The following LAMA4 variants were observed in gnomAD, a reference collection of about 807,000 sequenced individuals.
The protein encoded by LAMA4 is laminin subunit alpha 4, also known as laminin subunit alpha-4.
A neutral mutation model predicts 207.1 loss-of-function variants in LAMA4; 127 were observed. The ratio of observed to expected loss-of-function variants is 0.61; its 90% CI spans 0.53 to 0.71. The LOEUF is 0.71. Ranked by LOEUF, LAMA4 falls within the 30% of genes least tolerant of loss-of-function variation. The pLI is 0.00. For missense variants in LAMA4, 2,093 were observed against 2,246.5 expected, an observed-to-expected ratio of 0.93 and a Z score of 1.38; for synonymous variants, 761 against 816.0, an observed-to-expected ratio of 0.93 and a Z score of 1.15.
chr6:112,143,042 CTAAGAGGCCCAA>C (rs1234461771), intron 19 of LAMA4, among the ~76,000 whole-genome samples: 1 of 152,144 alleles, frequency 6.6e-6, no homozygotes, highest in Non-Finnish European at 1.5e-5. Context: ...AAGTGCATTT[CTAAGAGGCCCAA>C]TATGATATGC....
chr6:112,126,833 T>G (rs138181399), intron 31 of LAMA4, among the ~76,000 whole-genome samples: 1 of 152,244 alleles, frequency 6.6e-6, no homozygotes, highest in South Asian at 2.1e-4. Flanking sequence ...TTGATTATAT[T>G]CATTGTTGAC....
chr6:112,247,419 T>C (rs1162652491), intron 2 of LAMA4, among the ~76,000 whole-genome samples: 1 of 152,188 alleles, frequency 6.6e-6, no homozygotes, highest in Non-Finnish European at 1.5e-5. Flanking sequence ...TTAGGCTGAA[T>C]CTGGCCCTCA....
intron 18 of LAMA4, among the ~76,000 whole-genome samples, chr6:112,146,468 G>A (rs1456232088): frequency 3.3e-5 from 5 of 152,166 alleles, no homozygotes; most frequent in African/African-American, 1.2e-4. Context: ...TCTTGGCCCT[G>A]TCCCGAGCCC....
At chr6:112,193,593 T>C (rs1463404974) in intron 5 of LAMA4, among the ~76,000 whole-genome samples, 2 of 152,144 alleles carry the variant, frequency 1.3e-5, no homozygotes, top group East Asian at 3.8e-4. Flanking sequence ...AGTGATAGGA[T>C]ATGGTCAGTC....
At chr6:112,240,371 C>A (rs1265593722) in intron 2 of LAMA4, among the ~76,000 whole-genome samples, 3 of 151,858 alleles carry the variant, frequency 2.0e-5, no homozygotes, top group Non-Finnish European at 2.9e-5. Flanking sequence ...ATGGTGTATC[C>A]ATCCCCTCAT....
At chr6:112,134,901 A>T (rs1779245068) in intron 25 of LAMA4, among the ~76,000 whole-genome samples, 1 of 144,400 alleles carries the variant, frequency 6.9e-6, no homozygotes, top group Non-Finnish European at 1.5e-5. Context: ...TTCTGAGAGG[A>T]TTCAGGAAAG....
At chr6:112,125,394 C>T (rs1778630304) in intron 31 of LAMA4, among the ~76,000 whole-genome samples, 1 of 152,122 alleles carries the variant, frequency 6.6e-6, no homozygotes, top group African/African-American at 2.4e-5. Context: ...TGATCTATAT[C>T]CAGGGAAGTG....
At chr6:112,230,048 G>A (rs1160587845) in intron 2 of LAMA4, among the ~76,000 whole-genome samples, 2 of 151,736 alleles carry the variant, frequency 1.3e-5, no homozygotes, top group Non-Finnish European at 2.9e-5. Flanking sequence ...TATTTCCCCA[G>A]GAACATGCAC....
At position 112,119,322 on chromosome 6, in the gene LAMA4, A is replaced by C. The variant is rs781980795; in HGVS notation, c.4666-11T>G. On this transcript the variant is annotated splice_polypyrimidine_tract_variant and intron_variant, in intron 33 of 38. Transcript: ENST00000230538. ...TCGAATAAATATCACCTGGATGAAG[A>C]GAAGGACAATAGCACATCTCAGGTA... 29 of 1,613,200 alleles carry C rather than the reference A, an allele frequency of 1.8e-5. No homozygotes were observed. The South Asian group carries it at 3.2e-4, about 18-fold the overall frequency.
At position 112,118,593 on chromosome 6, in the gene LAMA4, A is replaced by G. The variant is rs1187902659; in HGVS notation, c.4821+563T>C. 6.6e-6 allele frequency among the ~76,000 whole-genome samples: 1 copy of G among 152,188 alleles called. No homozygotes were observed. The highest frequency in any genetic ancestry group is 2.4e-5 in the African/African-American group (1 of 41,464). On this transcript the variant is annotated intron_variant, in intron 34 of 38. Transcript: ENST00000230538. The surrounding 1 kb of genome is among the most constrained non-coding windows in gnomAD (Gnocchi z 4.6). Reference sequence around the variant, plus strand: ...CCTTTGATGCATTCCTTTTATTGCTAAATTTTTTATAAGTGCAATATTTTT... The same window carrying G: ...CCTTTGATGCATTCCTTTTATTGCTGAATTTTTTATAAGTGCAATATTTTT...
chr6:112,223,635 T>A (rs1190585349), intron 2 of LAMA4, among the ~76,000 whole-genome samples: 1 of 152,196 alleles, frequency 6.6e-6, no homozygotes, highest in Non-Finnish European at 1.5e-5. Context: ...TTGGGTTGTT[T>A]CATCAGCGTC....
chr6:112,158,989 T>C, intron 13 of LAMA4, 109 bp from the exon 14 acceptor site: 1 of 773,242 alleles, frequency 1.3e-6, no homozygotes, highest in South Asian at 1.5e-5. Context: ...GGTCAGTAAA[T>C]TTCAGTGCAG....
At chr6:112,247,341 C>T (rs1787028054) in intron 2 of LAMA4, among the ~76,000 whole-genome samples, 1 of 152,122 alleles carries the variant, frequency 6.6e-6, no homozygotes, top group Non-Finnish European at 1.5e-5. Context: ...GTTGTAAGCC[C>T]ATATTCTGCC....
chr6:112,201,648 A>G lies in LAMA4; in HGVS notation c.463T>C (p.Cys155Arg). Residue 155 changes from cysteine (C) to arginine (R), a missense_variant, in exon 5 of 39, where the codon TGC (cysteine) becomes CGC (arginine). Around this residue, in one of 3 missense-constraint regions of LAMA4, gnomAD observed 1,704 missense variants for 1,788.4 expected, o/e 0.95. Coordinates refer to ENST00000230538, the MANE Select transcript of LAMA4 (RefSeq NM_001105206.3). Reference protein sequence around the residue: ...SCYRKNGAVRCICNENYAGPN... With the variant: ...SCYRKNGAVRRICNENYAGPN... Reference sequence around the variant, plus strand: ...CCAGCATAATTTTCGTTACAAATGCACCGAACAGCTCCATTTTTCCTATAG... The same window carrying G: ...CCAGCATAATTTTCGTTACAAATGCGCCGAACAGCTCCATTTTTCCTATAG... The G allele has an allele frequency of 2.5e-6, 4 of 1,613,958 alleles. No individual in the cohort carries two copies. Among genetic ancestry groups the G allele is most frequent in the Non-Finnish European group, 3.4e-6 (4 of 1,179,874 alleles).
intron 2 of LAMA4, chr6:112,236,012 G>C (rs1261787174): frequency 1.3e-5 from 2 of 152,216 alleles, no homozygotes; most frequent in African/African-American, 4.8e-5. Flanking sequence ...TAAGGCGAAG[G>C]TAAACATGGA....
intron 4 of LAMA4, among the ~76,000 whole-genome samples, chr6:112,202,149 A>G (rs1236236643): frequency 6.6e-6 from 1 of 152,186 alleles, no homozygotes; most frequent in Non-Finnish European, 1.5e-5. Flanking sequence ...TGTGTACTTT[A>G]AATATTGGAA....
At chr6:112,180,013 T>G (rs1378973295) in intron 9 of LAMA4, 14 of 472,286 alleles carry the variant, frequency 3.0e-5, no homozygotes, top group Non-Finnish European at 6.0e-5. Flanking sequence ...ATAATAAATC[T>G]TAATATTACT....
At chr6:112,226,837 A>G (rs1320415270) in intron 2 of LAMA4, among the ~76,000 whole-genome samples, 2 of 152,244 alleles carry the variant, frequency 1.3e-5, no homozygotes, top group Admixed American at 1.3e-4. Context: ...ATATTGAGGA[A>G]AAAGTCAGTT....
chr6:112,234,543 G>A (rs1167901957), intron 2 of LAMA4: 4 of 151,312 alleles, frequency 2.6e-5, no homozygotes, highest in East Asian at 1.9e-4. Flanking sequence ...AGGAGAAAGC[G>A]CATTTTCTAG....
Sources: gnomAD v4.1 joint callset for allele counts (sites outside exome capture counted in the v4.1 genomes callset) on GRCh38, gnomAD v4.1.1 for gene constraint, gnomAD v4.1.1 regional missense constraint, Gnocchi (gnomAD v3.1) non-coding constraint, MANE v1.5 for transcripts, NCBI Gene and HGNC (gene_info 2026-07-23, HGNC 2026-07-21) for gene names.